The following IDUA variants were observed in gnomAD, a reference collection of about 807,000 sequenced individuals.
IDUA encodes the protein alpha-L-iduronidase, also known as iduronidase alpha-L-.
A neutral mutation model predicts 68.9 loss-of-function variants in IDUA; 65 were observed. The ratio of observed to expected loss-of-function variants is 0.94; its 90% CI spans 0.77 to 1.16. The LOEUF (loss-of-function observed/expected upper bound fraction) is 1.16, where lower values mean the gene tolerates loss of function less well. Among genes scored for constraint, IDUA ranks in the 50% most tolerant of loss-of-function variants. IDUA has a pLI of 0.00. For synonymous variants in IDUA, 529 were observed against 433.6 expected, an observed-to-expected ratio of 1.22 and a Z score of -2.73; for missense variants, 1,046 against 938.0, an observed-to-expected ratio of 1.12 and a Z score of -1.50.
chr4:998,305 G>A (rs1714866505), intron 2 of IDUA, among the ~76,000 whole-genome samples: 2 of 152,208 alleles, frequency 1.3e-5, no homozygotes, highest in Non-Finnish European at 2.9e-5. Flanking sequence ...ACCATGGGAG[G>A]ACCAGAAGGG....
chr4:1,004,329 C>G lies in IDUA; in HGVS notation c.1898C>G (p.Ser633Trp), dbSNP rs886043347. The part of the protein sequence containing the change: ...LDYWARPGPF[S>W]DPVPYLEVPV... ...TACTGGGCCCGACCAGGCCCCTTCTCGGACCCTGTGCCGTACCTGGAGGTC... is the reference window on the plus strand; with the variant it reads ...TACTGGGCCCGACCAGGCCCCTTCTGGGACCCTGTGCCGTACCTGGAGGTC... Residue 633 changes from serine (S) to tryptophan (W), a missense_variant, in exon 14 of 14, where the codon TCG (serine) becomes TGG (tryptophan). Coordinates refer to ENST00000514224, the MANE Select transcript of IDUA (RefSeq NM_000203.5). This position sits in a 1 kb window ranked among gnomAD's most constrained non-coding sequence, Gnocchi z 5.0. The G allele has an allele frequency of 2.5e-6, 4 of 1,611,776 alleles. No individual in the cohort carries two copies. Among genetic ancestry groups the G allele is most frequent in the Admixed American group, 3.3e-5 (2 of 60,010 alleles).
intron 2 of IDUA, chr4:990,434 G>A (rs1714196152): frequency 3.5e-6 from 5 of 1,411,062 alleles, no homozygotes; most frequent in Admixed American, 4.7e-5. Context: ...CACCTGGCAT[G>A]GCCCGAGGGG....
Position 1,001,566 on chromosome 4 carries a change from G to A in IDUA, c.589+3G>A. On this transcript the variant is annotated splice_donor_region_variant and intron_variant, in intron 5 of 13. Transcript: ENST00000514224. ...CAACGTCTCCATGACCATGCAAGGT[G>A]TGCACCGCTTCCTGGGGTCCTGCCC... 1 of 1,613,020 alleles carries A rather than the reference G, an allele frequency of 6.2e-7. No homozygotes were observed.
rs1438349899 is a variant in IDUA, at chr4:1,003,316, GA to G, written c.1525-27del. 2.1e-6 allele frequency: 3 copies of G among 1,427,454 alleles called. No homozygotes were observed. The African/African-American group carries it at 4.5e-5, about 22-fold the overall frequency. The allele number at this position is 1,427,454 out of a possible 1,614,324, so 88.4% of individuals were successfully genotyped here. ...GCCGAGCGTCCCCAGCTCCCCTGGA[GA>G]ACCCTGAGGACCGGCCACTGCGCCC... On this transcript the variant is annotated intron_variant, in intron 10 of 13. Coordinates refer to ENST00000514224, the MANE Select transcript of IDUA (RefSeq NM_000203.5).
chr4:994,002 C>G (rs931878968), intron 2 of IDUA, among the ~76,000 whole-genome samples: 2 of 152,256 alleles, frequency 1.3e-5, no homozygotes, highest in Admixed American at 1.3e-4. Flanking sequence ...AGCGCCTGGT[C>G]ACCCTCACGG....
At chr4:1,003,710 G>A in intron 12 of IDUA, 85 bp downstream of exon 12, 1 of 1,478,490 alleles carries the variant, frequency 6.8e-7, no homozygotes, top group Non-Finnish European at 9.4e-7. Flanking sequence ...GGTCACTCGG[G>A]CCACTTGCCG....
rs1713938841 is a variant in IDUA, at chr4:988,595, C to T, written c.299+646C>T. 6 of 1,371,376 alleles carry T rather than the reference C, an allele frequency of 4.4e-6. No individual in the cohort carries two copies. In the Middle Eastern group the frequency reaches 8.1e-4, roughly 186 times the overall value. The allele number at this position is 1,371,376 out of a possible 1,614,324, so 85.0% of individuals were successfully genotyped here. ...GGACGGTGCATTGGGGCCCAGCCAG[C>T]ACTGTGGGCCAGCCTGTCTCGGAGG... On this transcript the variant is annotated intron_variant, in intron 2 of 13. Coordinates refer to ENST00000514224, the MANE Select transcript of IDUA (RefSeq NM_000203.5).
At position 1,002,299 on chromosome 4, in the gene IDUA, G is replaced by T. The variant is rs774951461; in HGVS notation, c.1003G>T (p.Ala335Ser). The change falls in exon 8 of 14, where the codon GCC becomes TCC. Residue 335 changes from alanine (A) to serine (S), a missense_variant. Coordinates refer to ENST00000514224, the MANE Select transcript of IDUA (RefSeq NM_000203.5). Reference protein sequence around the residue: ...VIAQHQNLLLANTTSAFPYAL... With the variant: ...VIAQHQNLLLSNTTSAFPYAL... Reference sequence around the variant, plus strand: ...CGCGCAGCATCAGAACCTGCTACTGGCCAACACCACCTCCGCCTTCCCCTA... The same window carrying T: ...CGCGCAGCATCAGAACCTGCTACTGTCCAACACCACCTCCGCCTTCCCCTA... 1.2e-6 allele frequency: 2 copies of T among 1,612,750 alleles called. No individual in the cohort carries two copies. Among genetic ancestry groups the T allele is most frequent in the Non-Finnish European group, 1.7e-6 (2 of 1,179,566 alleles).
At chr4:992,163 A>C (rs751096765) in intron 2 of IDUA, 1 of 466,612 alleles carries the variant, frequency 2.1e-6, no homozygotes, top group Non-Finnish European at 4.3e-6. Context: ...AGAATGTCAC[A>C]GTCACTGGAC....
intron 2 of IDUA, among the ~76,000 whole-genome samples, chr4:995,604 T>G (rs1242258374): frequency 6.6e-6 from 1 of 152,234 alleles, no homozygotes; most frequent in Non-Finnish European, 1.5e-5. Context: ...CCACAGGCTC[T>G]ACTTCTCCTG....
chr4:1,002,718 C>CA lies in IDUA; in HGVS notation c.1190-14_1190-13insA. ...AACGACCCCACGCGGCGACGGCCCC[C>CA]CCCCGCCCCGCAGATGAGGAGCAGC... is the stretch of plus-strand genomic sequence containing the variant. On this transcript the variant is annotated splice_polypyrimidine_tract_variant and intron_variant, in intron 8 of 13. Transcript: ENST00000514224. The CA allele has an allele frequency of 6.9e-7, 1 of 1,443,522 alleles. No homozygotes were observed. Among genetic ancestry groups the CA allele is most frequent in the Non-Finnish European group, 9.2e-7 (1 of 1,086,718 alleles). The allele number at this position is 1,443,522 out of a possible 1,614,324, so 89.4% of individuals were successfully genotyped here.
intron 2 of IDUA, 150 bp downstream of exon 2, chr4:988,099 TG>T (rs1713890258): frequency 6.9e-7 from 1 of 1,447,008 alleles, no homozygotes; most frequent in Non-Finnish European, 9.1e-7. Flanking sequence ...CTGGCTGTGC[TG>T]GGGTGAGGGC....
At chr4:1,003,659 G>A (rs1715265995) in intron 12 of IDUA, 34 bp downstream of exon 12, 1 of 1,609,980 alleles carries the variant, frequency 6.2e-7, no homozygotes, top group Middle Eastern at 1.7e-4. Context: ...CCTCTGCCTG[G>A]TCCTAGGCAG....
At chr4:992,214 C>T (rs1363631166) in intron 2 of IDUA, 2 of 458,562 alleles carry the variant, frequency 4.4e-6, no homozygotes, top group Admixed American at 4.7e-5. Context: ...TCCGTGTCCA[C>T]CTCCCTGGCT....
chr4:1,002,220 G>C (rs1330978548), intron 7 of IDUA, 49 bp from the exon 8 acceptor site: 1 of 1,576,780 alleles, frequency 6.3e-7, no homozygotes, highest in Non-Finnish European at 8.6e-7. Flanking sequence ...GACGGGACAG[G>C]CGAGCGGTGG....
rs2153021995 is a variant in IDUA at position 1,001,713 on chromosome 4, T to G, written c.624T>G (p.Gly208=). The G allele has an allele frequency of 6.3e-7, 1 of 1,598,996 alleles. No individual in the cohort carries two copies. Among genetic ancestry groups the G allele is most frequent in the East Asian group, 2.2e-5 (1 of 44,656 alleles). ...FLNYYDACSE[G]LRAASPALRL... ...ACTACTACGATGCCTGCTCGGAGGG[T>G]CTGCGCGCCGCCAGCCCCGCCCTGC... is the stretch of plus-strand genomic sequence containing the variant. The change falls in exon 6 of 14, where the codon GGT becomes GGG. Residue 208 remains glycine (G), a synonymous_variant. Transcript: ENST00000514224.
chr4:1,003,740 C>A, intron 12 of IDUA, 115 bp downstream of exon 12: 1 of 1,190,074 alleles, frequency 8.4e-7, no homozygotes, highest in Non-Finnish European at 1.2e-6. Context: ...GGCTCCCTCC[C>A]TCGCCGCCCT....
In IDUA at chr4:1,003,440, G is replaced by A; in HGVS notation, c.1620G>A (p.Val540=). The A allele has an allele frequency of 1.9e-6, 3 of 1,542,520 alleles. No homozygotes were observed. The highest frequency in any genetic ancestry group is 2.6e-6 in the Non-Finnish European group (3 of 1,150,614). Residue 540 remains valine, a synonymous_variant, in exon 11 of 14, where the codon GTG becomes GTA. Coordinates refer to ENST00000514224, the MANE Select transcript of IDUA (RefSeq NM_000203.5). ...TGCCGTCGCTTTTGCTGGTGCACGT[G>A]TGTGCGCGCCCCGAGAAGCCGCCCG... The part of the protein sequence containing the change: ...LRLPSLLLVH[V]CARPEKPPGQ...
At position 1,004,270 on chromosome 4, in the gene IDUA, T is replaced by C. The variant is rs1715308796; in HGVS notation, c.1839T>C (p.Ala613=). Residue 613 remains alanine (A), a synonymous_variant, in exon 14 of 14, where the codon GCT becomes GCC. Transcript: ENST00000514224. The surrounding 1 kb of genome is among the most constrained non-coding windows in gnomAD (Gnocchi z 5.0). ...TCCCCTTGTCTCCAGACACAGGTGC[T>C]GTCTCTGGCTCCTACCGAGTTCGAG... ...NLFVFSPDTG[A]VSGSYRVRAL... The C allele has an allele frequency of 8.1e-6, 13 of 1,610,254 alleles. No homozygotes were observed. Among genetic ancestry groups the C allele is most frequent in the Non-Finnish European group, 1.1e-5 (13 of 1,179,952 alleles).
Sources: allele counts gnomAD v4.1 joint callset (sites outside exome capture counted in the v4.1 genomes callset), GRCh38; gene constraint gnomAD v4.1.1; non-coding constraint Gnocchi (gnomAD v3.1); transcripts MANE v1.5; gene names NCBI Gene and HGNC (gene_info 2026-07-23, HGNC 2026-07-21).